CNTNAP2: variants seen among roughly 807,000 people sequenced by gnomAD.
CNTNAP2 encodes contactin associated protein 2, also known as contactin-associated protein-like 2.
Under a neutral mutation model 155.2 loss-of-function variants are expected in CNTNAP2, and 98 were observed. The ratio of observed to expected loss-of-function variants is 0.63; its 90% confidence interval spans 0.54 to 0.75. The LOEUF is 0.75. Ranked by LOEUF, CNTNAP2 falls within the 30% of genes least tolerant of loss-of-function variation. The pLI is 0.00. For missense variants in CNTNAP2, 1,727 were observed against 1,688.1 expected (o/e 1.02, Z -0.40); for synonymous variants, 651 against 631.2 (o/e 1.03, Z -0.47).
At chr7:147,559,015 C>T (rs980404310) in intron 11 of CNTNAP2, among the ~76,000 whole-genome samples, 6 of 152,138 alleles carry the variant, frequency 3.9e-5, no homozygotes, top group Middle Eastern at 3.2e-3. Flanking sequence ...GGATTACAGG[C>T]GTGAGCCACC....
intron 8 of CNTNAP2, among the ~76,000 whole-genome samples, chr7:147,176,836 T>G (rs1181941064): frequency 2.4e-5 from 3 of 125,660 alleles, no homozygotes; most frequent in African/African-American, 9.3e-5. Context: ...TAATATATAA[T>G]TATATATTAT....
chr7:147,236,547 C>G (rs1175123155), intron 8 of CNTNAP2, among the ~76,000 whole-genome samples: 1 of 149,984 alleles, frequency 6.7e-6, no homozygotes, highest in Admixed American at 6.6e-5. Flanking sequence ...TCTCACTTGT[C>G]GTATTCCTTC....
intron 12 of CNTNAP2, among the ~76,000 whole-genome samples, chr7:147,594,846 C>T (rs771996918): frequency 6.6e-6 from 1 of 151,772 alleles, no homozygotes; most frequent in African/African-American, 2.4e-5. Context: ...ATGGTAAAAA[C>T]AAAGTTCTTA....
chr7:146,396,409 G>A (rs1276542891), intron 1 of CNTNAP2, among the ~76,000 whole-genome samples: 2 of 151,628 alleles, frequency 1.3e-5, no homozygotes. Context: ...CGAATCTTAT[G>A]GTTTTTATTT....
chr7:146,681,577 A>G, intron 1 of CNTNAP2, among the ~76,000 whole-genome samples: 1 of 23,772 alleles, frequency 4.2e-5, no homozygotes, highest in Non-Finnish European at 7.5e-5. Context: ...TGGAGAGTGA[A>G]AGGGTGGTGG....
At chr7:147,729,530 T>C (rs962782287) in intron 13 of CNTNAP2, among the ~76,000 whole-genome samples, 2 of 147,274 alleles carry the variant, frequency 1.4e-5, no homozygotes, top group African/African-American at 4.9e-5. Flanking sequence ...TCCTAATTCA[T>C]AGAATTAGGT....
chr7:147,880,885 G>C (rs1799508732), intron 13 of CNTNAP2, among the ~76,000 whole-genome samples: 1 of 104,664 alleles, frequency 9.6e-6, no homozygotes, highest in Non-Finnish European at 1.9e-5. Context: ...GTGTGTGTGT[G>C]TGTGTGTGTT....
chr7:146,755,108 G>C (rs1181760099), intron 1 of CNTNAP2, among the ~76,000 whole-genome samples: 1 of 151,736 alleles, frequency 6.6e-6, no homozygotes. Context: ...GAATTTGTAG[G>C]GTATATACTA....
chr7:147,680,760 C>T (rs1342468023), intron 13 of CNTNAP2, among the ~76,000 whole-genome samples: 1 of 151,748 alleles, frequency 6.6e-6, no homozygotes, highest in Non-Finnish European at 1.5e-5. Flanking sequence ...CTCTCTCTCT[C>T]TGTCTCCCTC....
At position 146,293,247 on chromosome 7, in the gene CNTNAP2, G is replaced by A. The variant is rs570061827; in HGVS notation, c.97+176274G>A. ...TAAAATTTATAATACCATGAACATAGGAATTCCCAGGAGAAAATTTAGGTT... is the reference window on the plus strand; with the variant it reads ...TAAAATTTATAATACCATGAACATAAGAATTCCCAGGAGAAAATTTAGGTT... On this transcript the variant is annotated intron_variant, in intron 1 of 23. Coordinates refer to ENST00000361727, the MANE Select transcript of CNTNAP2 (RefSeq NM_014141.6). Among the ~76,000 whole-genome samples the A allele has an allele frequency of 2.0e-3, 309 of 152,184 alleles. 3 individuals are homozygous for A. The highest frequency in any genetic ancestry group is 7.0e-3 in the African/African-American group (290 of 41,546).
intron 12 of CNTNAP2, among the ~76,000 whole-genome samples, chr7:147,610,331 C>T (rs1053421800): frequency 6.6e-6 from 1 of 151,598 alleles, no homozygotes; most frequent in South Asian, 2.1e-4. Context: ...TTCTTTTTGT[C>T]TCTTGTGATC....
chr7:147,151,714 A>G (rs927667285), intron 8 of CNTNAP2, among the ~76,000 whole-genome samples: 1 of 152,190 alleles, frequency 6.6e-6, no homozygotes, highest in African/African-American at 2.4e-5. Context: ...CACATAAAAC[A>G]TAATTTTTAT....
At chr7:147,998,341 G>A (rs1358056114) in intron 15 of CNTNAP2, among the ~76,000 whole-genome samples, 1 of 151,988 alleles carries the variant, frequency 6.6e-6, no homozygotes, top group Non-Finnish European at 1.5e-5. Context: ...TCGATCTCCT[G>A]ACCTGGTGAT....
chr7:146,217,603 G>A (rs116012722), intron 1 of CNTNAP2, among the ~76,000 whole-genome samples: 1,613 of 152,190 alleles, frequency 0.011, 22 homozygotes, highest in African/African-American at 0.036. Context: ...TTCTCTACAC[G>A]AAAGTATGCT....
intron 1 of CNTNAP2, among the ~76,000 whole-genome samples, chr7:146,125,576 G>C (rs1355463938): frequency 3.3e-5 from 3 of 90,566 alleles, no homozygotes; most frequent in African/African-American, 1.7e-4. Flanking sequence ...GCGAGACTCC[G>C]TCTCCAAAAA....
intron 21 of CNTNAP2, among the ~76,000 whole-genome samples, chr7:148,363,855 C>T (rs988591892): frequency 1.3e-5 from 2 of 149,328 alleles, no homozygotes; most frequent in Admixed American, 1.3e-4. Flanking sequence ...GCGTGCGGGC[C>T]AGCTGGAGTT....
chr7:148,359,289 TCCC>T (rs1798576640), intron 21 of CNTNAP2, among the ~76,000 whole-genome samples: 1 of 152,234 alleles, frequency 6.6e-6, no homozygotes, highest in Non-Finnish European at 1.5e-5. Flanking sequence ...ACAGAGTGTA[TCCC>T]CATCACTAAG....
At chr7:146,465,439 A>G (rs1307167073) in intron 1 of CNTNAP2, among the ~76,000 whole-genome samples, 1 of 152,174 alleles carries the variant, frequency 6.6e-6, no homozygotes, top group Non-Finnish European at 1.5e-5. Flanking sequence ...TTCCAGAGCT[A>G]TTAGCAGTTC....
At chr7:146,389,819 A>G (rs1184762064) in intron 1 of CNTNAP2, among the ~76,000 whole-genome samples, 1 of 149,418 alleles carries the variant, frequency 6.7e-6, no homozygotes, top group East Asian at 2.0e-4. Context: ...TTCCTGCCTC[A>G]GTTTGCCGAG....
Sources: allele counts gnomAD v4.1 joint callset (sites outside exome capture counted in the v4.1 genomes callset), GRCh38; gene constraint gnomAD v4.1.1; transcripts MANE v1.5; gene names NCBI Gene and HGNC (gene_info 2026-07-23, HGNC 2026-07-21).